HNRNPUL1: variants seen among roughly 807,000 people sequenced by gnomAD.
HNRNPUL1 encodes heterogeneous nuclear ribonucleoprotein U-like protein 1.
In HNRNPUL1, 14 loss-of-function variants were observed where a neutral mutation model predicts 108.5. The observed-to-expected ratio is 0.13, with a 90% CI of 0.09 to 0.20. The LOEUF (loss-of-function observed/expected upper bound fraction) is 0.20. HNRNPUL1 is among the 10% of genes least tolerant of loss of function. The pLI is 1.00. For synonymous variants in HNRNPUL1, 422 were observed against 445.2 expected (o/e 0.95, Z 0.66); for missense variants, 804 against 1,168.3 (o/e 0.69, Z 4.55).
intron 6 of HNRNPUL1, among the ~76,000 whole-genome samples, chr19:41,280,123 A>C (rs1168508445): frequency 6.6e-6 from 1 of 152,218 alleles, no homozygotes; most frequent in Non-Finnish European, 1.5e-5. Context: ...ATCTTTAAAA[A>C]TAGATGATAT....
intron 1 of HNRNPUL1, chr19:41,265,121 G>A (rs1257988119): frequency 2.0e-5 from 29 of 1,422,976 alleles, no homozygotes; most frequent in Non-Finnish European, 2.5e-5. Context: ...AAGAACAAGA[G>A]GTTTTCCGTT....
At chr19:41,265,813 T>C (rs529148675) in intron 1 of HNRNPUL1, among the ~76,000 whole-genome samples, 1 of 151,508 alleles carries the variant, frequency 6.6e-6, no homozygotes, top group African/African-American at 2.4e-5. Flanking sequence ...GAGGATCCTG[T>C]GTCCAGCACA....
rs1039825859 is a variant in HNRNPUL1 at position 41,265,436 on chromosome 19, A to G, written c.295+638A>G. On this transcript the variant is annotated intron_variant, in intron 1 of 14. Transcript: ENST00000392006. ...GTGCTTTGGAGTTTGGCTAGTGAGC[A>G]TTTAGGGGCTGCGGGAGATTGAACT... 8 of 1,405,434 alleles carry G rather than the reference A, an allele frequency of 5.7e-6. No individual in the cohort carries two copies. The African/African-American group carries it at 1.2e-4, about 21-fold the overall frequency. 87.1% of individuals were successfully genotyped at this position (1,405,434 alleles called of 1,614,324 possible).
At chr19:41,283,343 C>T (rs531577677) in intron 7 of HNRNPUL1, among the ~76,000 whole-genome samples, 14 of 152,196 alleles carry the variant, frequency 9.2e-5, no homozygotes, top group African/African-American at 2.9e-4. Flanking sequence ...TCTCGTGGCG[C>T]GATCTCAACT....
At chr19:41,279,453 T>A (rs2035777081) in intron 6 of HNRNPUL1, among the ~76,000 whole-genome samples, 2 of 152,222 alleles carry the variant, frequency 1.3e-5, no homozygotes, top group African/African-American at 4.8e-5. Context: ...CTATTCCCTT[T>A]CTGTAAAAAG....
chr19:41,266,275 A>C (rs2034837856), intron 1 of HNRNPUL1, among the ~76,000 whole-genome samples: 1 of 152,084 alleles, frequency 6.6e-6, no homozygotes, highest in Non-Finnish European at 1.5e-5. Flanking sequence ...TCTACTAAAA[A>C]TACAAATATT....
At chr19:41,265,387 C>G in intron 1 of HNRNPUL1, 2 of 1,510,796 alleles carry the variant, frequency 1.3e-6, no homozygotes, top group Non-Finnish European at 1.8e-6. Context: ...GTGTCTGTGG[C>G]TGGGGAGGGT....
At chr19:41,304,896 C>T (rs1348113902) in intron 13 of HNRNPUL1, among the ~76,000 whole-genome samples, 1 of 152,212 alleles carries the variant, frequency 6.6e-6, no homozygotes, top group East Asian at 1.9e-4. Flanking sequence ...GCCCAGCTAA[C>T]TAGAATATTT....
chr19:41,281,623 C>T (rs886383118), intron 7 of HNRNPUL1, among the ~76,000 whole-genome samples: 2 of 152,122 alleles, frequency 1.3e-5, no homozygotes, highest in Admixed American at 6.5e-5. Context: ...CTCCTGAAGG[C>T]AGTGGTATTG....
Position 41,272,360 on chromosome 19 carries a change from C to T in HNRNPUL1, c.572+125C>T, listed in dbSNP as rs181281085. On this transcript the variant is annotated intron_variant, in intron 3 of 14. Coordinates refer to ENST00000392006, the MANE Select transcript of HNRNPUL1 (RefSeq NM_007040.6). The stretch of plus-strand genomic sequence containing the variant: ...TAAAGATTCCCTCTGCTTTCACACT[C>T]TTCCTGTCCCTTCCCGTACTTGCTA... 71 of 952,312 alleles carry T rather than the reference C, an allele frequency of 7.5e-5. 1 individual carries two copies. The highest frequency in any genetic ancestry group is 1.1e-4 in the Non-Finnish European group (70 of 639,348). The allele number at this position is 952,312 out of a possible 1,614,324, so 59.0% of individuals were successfully genotyped here.
chr19:41,281,585 C>G (rs1460736944), intron 7 of HNRNPUL1, among the ~76,000 whole-genome samples: 1 of 152,046 alleles, frequency 6.6e-6, no homozygotes, highest in African/African-American at 2.4e-5. Context: ...AATTTCTTAT[C>G]TTTCATTGCT....
chr19:41,275,304 C>T (rs1216448071), intron 4 of HNRNPUL1, among the ~76,000 whole-genome samples: 1 of 152,106 alleles, frequency 6.6e-6, no homozygotes, highest in African/African-American at 2.4e-5. Flanking sequence ...GCCTGGGTAA[C>T]ATGGCGAAAC....
At position 41,292,451 on chromosome 19, in the gene HNRNPUL1, C is replaced by T. The variant is rs2036640413; in HGVS notation, c.1206C>T (p.His402=). 1.2e-6 allele frequency: 2 copies of T among 1,614,024 alleles called. No individual in the cohort carries two copies. The highest frequency in any genetic ancestry group is 1.3e-5 in the African/African-American group (1 of 74,922). The part of the protein sequence containing the change: ...SVLPGFTFIQ[H]LPLSERIRGT... ...TCCCGGGGTTTACCTTCATCCAGCA[C>T]CTTCCCCTTAGTGAGCGTATCCGGG... Residue 402 remains histidine (H), a synonymous_variant, in exon 8 of 15, where the codon CAC becomes CAT. Coordinates refer to ENST00000392006, the MANE Select transcript of HNRNPUL1 (RefSeq NM_007040.6). The surrounding 1 kb of genome is among the most constrained non-coding windows in gnomAD (Gnocchi z 4.1).
rs2037402313 is a variant in HNRNPUL1 at position 41,304,104 on chromosome 19, CGCCACCACA to C, written c.2114_2122del (p.Gln705_Pro707del). ...CAACAGCCGCCACCACAGCAGCCTC[CGCCACCACA>C]GCCACCACCCCAGCAGCCACCGCCA... On this transcript the variant is annotated inframe_deletion, in exon 13 of 15. Coordinates refer to ENST00000392006, the MANE Select transcript of HNRNPUL1 (RefSeq NM_007040.6). 5 of 1,613,080 alleles carry C rather than the reference CGCCACCACA, an allele frequency of 3.1e-6. No homozygotes were observed. The highest frequency in any genetic ancestry group is 4.2e-6 in the Non-Finnish European group (5 of 1,179,260).
At chr19:41,269,090 G>A (rs1172818659) in intron 2 of HNRNPUL1, among the ~76,000 whole-genome samples, 2 of 151,698 alleles carry the variant, frequency 1.3e-5, no homozygotes, top group Non-Finnish European at 2.9e-5. Context: ...GTGCTATATC[G>A]TCTCTTGGAA....
At chr19:41,300,040 G>C (rs2037112858) in intron 10 of HNRNPUL1, among the ~76,000 whole-genome samples, 1 of 152,082 alleles carries the variant, frequency 6.6e-6, no homozygotes, top group Non-Finnish European at 1.5e-5. Context: ...TTACAGAGGA[G>C]CAGGCTGAGG....
chr19:41,268,231 G>C lies in HNRNPUL1; in HGVS notation c.304G>C (p.Asp102His), dbSNP rs1413261786. Residue 102 changes from aspartate to histidine, a missense_variant, in exon 2 of 15, where the codon GAC (aspartate) becomes CAC (histidine). By Grantham distance (81) the Asp-to-His change is moderately conservative. Around this residue, in one of 4 missense-constraint regions of HNRNPUL1, gnomAD observed 256 missense variants for 261.6 expected, o/e 0.98. Transcript: ENST00000392006. ...TTTAATTTTGTTTTAAGATGCCATG[G>C]ACAATATTACCAGGCAGAACCAATT... ...YSGPDGHYAM[D>H]NITRQNQFYD... The C allele has an allele frequency of 1.2e-6, 2 of 1,613,410 alleles. No individual in the cohort carries two copies. Among genetic ancestry groups the C allele is most frequent in the Admixed American group, 1.7e-5 (1 of 59,898 alleles).
intron 7 of HNRNPUL1, among the ~76,000 whole-genome samples, chr19:41,287,165 A>C (rs1458500634): frequency 3.3e-5 from 5 of 151,228 alleles, no homozygotes. Context: ...ACAGGTGCAC[A>C]CCACGACATC....
intron 4 of HNRNPUL1, among the ~76,000 whole-genome samples, chr19:41,275,362 C>G (rs2035486882): frequency 6.6e-6 from 1 of 152,128 alleles, no homozygotes; most frequent in Admixed American, 6.5e-5. Flanking sequence ...TGGCATATCC[C>G]TGTAGTCCCA....
Sources: allele counts gnomAD v4.1 joint callset (sites outside exome capture counted in the v4.1 genomes callset), GRCh38; gene constraint gnomAD v4.1.1; regional missense constraint gnomAD v4.1.1; non-coding constraint Gnocchi (gnomAD v3.1); transcripts MANE v1.5; gene names NCBI Gene and HGNC (gene_info 2026-07-23, HGNC 2026-07-21).